TARP: variants seen among roughly 807,000 people sequenced by gnomAD.
the TARP span, chr7:38,262,144 G>A: frequency 6.2e-7 from 1 of 1,600,226 alleles, no homozygotes; most frequent in East Asian, 2.2e-5. Context: ...AAATGATCAG[G>A]AGGAAGGGAA....
the TARP span, among the ~76,000 whole-genome samples, chr7:38,268,232 T>C: frequency 3.5e-4 from 53 of 151,384 alleles, 1 homozygote; most frequent in Admixed American, 1.5e-3. Flanking sequence ...TATTTTATTG[T>C]TGGATTCATT....
chr7:38,261,886 A>G, the TARP span, among the ~76,000 whole-genome samples: 4 of 150,138 alleles, frequency 2.7e-5, no homozygotes, highest in Non-Finnish European at 5.9e-5. Flanking sequence ...AAAAAAAAAA[A>G]GAAAAGAAAA....
chr7:38,270,327 G>A, the TARP span, among the ~76,000 whole-genome samples: 1 of 151,696 alleles, frequency 6.6e-6, no homozygotes, highest in African/African-American at 2.4e-5. Context: ...ATTCCACTTT[G>A]CTCTGGGATT....
chr7:38,267,211 G>T, the TARP span, among the ~76,000 whole-genome samples: 667 of 151,666 alleles, frequency 4.4e-3, 5 homozygotes, highest in African/African-American at 0.015. Context: ...TGAATAAAAT[G>T]TACATATAAT....
At chr7:38,269,037 A>G in the TARP span, among the ~76,000 whole-genome samples, 1 of 151,822 alleles carries the variant, frequency 6.6e-6, no homozygotes, top group African/African-American at 2.4e-5. Context: ...AGGCCAGAGA[A>G]TAATCACTCA....
the TARP span, among the ~76,000 whole-genome samples, chr7:38,263,531 A>G: frequency 1.3e-4 from 20 of 151,706 alleles, no homozygotes; most frequent in African/African-American, 4.1e-4. Context: ...TTTTTATTAC[A>G]GGAGCTCAGA....
the TARP span, among the ~76,000 whole-genome samples, chr7:38,271,345 A>C: frequency 1.3e-5 from 2 of 151,448 alleles, no homozygotes; most frequent in African/African-American, 2.4e-5. Context: ...AAAGTGCCAG[A>C]ACTTAAAATG....
the TARP span, among the ~76,000 whole-genome samples, chr7:38,268,620 T>C: frequency 3.3e-4 from 50 of 151,324 alleles, no homozygotes; most frequent in African/African-American, 1.2e-3. Flanking sequence ...TTAGAAATGA[T>C]ATCAATTAAG....
the TARP span, among the ~76,000 whole-genome samples, chr7:38,269,963 C>A: frequency 6.6e-6 from 1 of 151,730 alleles, no homozygotes; most frequent in Non-Finnish European, 1.5e-5. Context: ...ATTAGCTGAG[C>A]ATGATGTGCA....
At chr7:38,260,505 C>G in the TARP span, among the ~76,000 whole-genome samples, 33 of 148,928 alleles carry the variant, frequency 2.2e-4, no homozygotes. Flanking sequence ...AGTGGTTAAT[C>G]CAGATTTGCT....
chr7:38,273,447 G>A, the TARP span: 5 of 688,800 alleles, frequency 7.3e-6, no homozygotes, highest in Admixed American at 7.9e-5. Flanking sequence ...TGACTCCTAA[G>A]GCATGAACCA....
At chr7:38,265,675 T>A in the TARP span, 2 of 1,590,540 alleles carry the variant, frequency 1.3e-6, no homozygotes, top group Non-Finnish European at 1.7e-6. Flanking sequence ...ATCAAGTTGT[T>A]TATCTATGGG....
the TARP span, among the ~76,000 whole-genome samples, chr7:38,261,591 G>C: frequency 6.6e-6 from 1 of 151,404 alleles, no homozygotes; most frequent in Non-Finnish European, 1.5e-5. Flanking sequence ...GACAGGACAG[G>C]AGGCCGGGCA....
the TARP span, chr7:38,265,732 A>G: frequency 7.5e-7 from 1 of 1,329,178 alleles, no homozygotes; most frequent in Admixed American, 2.0e-5. Flanking sequence ...AAACACACAC[A>G]TTGCACAGTT....
the TARP span, among the ~76,000 whole-genome samples, chr7:38,260,596 C>A: frequency 6.6e-6 from 1 of 151,476 alleles, no homozygotes; most frequent in East Asian, 1.9e-4. Context: ...TGGGTGATTG[C>A]ATTTAATATT....
chr7:38,267,415 A>G, the TARP span, among the ~76,000 whole-genome samples: 4 of 151,956 alleles, frequency 2.6e-5, no homozygotes, highest in East Asian at 5.8e-4. Context: ...TGAAACTCCA[A>G]TGCTTTGGCT....
At chr7:38,262,434 A>G in the TARP span, among the ~76,000 whole-genome samples, 2 of 151,700 alleles carry the variant, frequency 1.3e-5, no homozygotes, top group South Asian at 2.1e-4. Context: ...GGTGAAGAAT[A>G]CATTTTTTCT....
chr7:38,259,805 G>A, the TARP span: 1 of 375,234 alleles, frequency 2.7e-6, no homozygotes. Context: ...GCCGCAGGAT[G>A]TCTACACTAT....
the TARP span, among the ~76,000 whole-genome samples, chr7:38,266,829 C>A: frequency 6.6e-6 from 1 of 151,962 alleles, no homozygotes; most frequent in Admixed American, 6.6e-5. Flanking sequence ...TATTCACCAT[C>A]TCCTGAATTT....
Sources: gnomAD v4.1 joint callset for allele counts (sites outside exome capture counted in the v4.1 genomes callset) on GRCh38, gnomAD v4.1.1 for gene constraint, MANE v1.5 for transcripts.